Variants in CSMD2 observed in about 807,000 individuals in gnomAD.
The protein encoded by CSMD2 is CUB and sushi domain-containing protein 2.
Under a neutral mutation model 398.5 loss-of-function variants are expected in CSMD2, and 130 were observed. The observed-to-expected ratio is 0.33, with a 90% confidence interval of 0.28 to 0.38. The LOEUF is 0.38. CSMD2 is among the 10% of genes least tolerant of loss of function. The pLI, the probability that CSMD2 is intolerant of heterozygous loss-of-function variation, is 1.00. For synonymous variants in CSMD2, 1,828 were observed against 1,908.5 expected, an observed-to-expected ratio of 0.96 and a Z score of 1.10; for missense variants, 3,829 against 4,764.9, an observed-to-expected ratio of 0.80 and a Z score of 5.78.
At position 33,518,293 on chromosome 1, in the gene CSMD2, G is replaced by A. The variant is rs111259843; in HGVS notation, c.*53+1172C>T. Among the ~76,000 whole-genome samples the A allele has an allele frequency of 4.4e-4, 67 of 152,334 alleles. 2 individuals carry two copies. The East Asian group carries it at 0.011, about 26-fold the overall frequency. The stretch of plus-strand genomic sequence containing the variant: ...AGGTCCCAGAGGTGAGGGTGTCATC[G>A]AAGGAGGACACAGTGAGGAAGAGGC... On this transcript the variant is annotated intron_variant, in intron 70 of 70. Coordinates refer to ENST00000373381, the MANE Select transcript of CSMD2 (RefSeq NM_001281956.2). The surrounding 1 kb of genome is among the most constrained non-coding windows in gnomAD (Gnocchi z 4.3).
At chr1:33,864,078 C>A in intron 5 of CSMD2, 1 of 1,000,334 alleles carries the variant, frequency 1.0e-6, no homozygotes, top group Non-Finnish European at 1.5e-6. Context: ...ACAGCTCTTG[C>A]AGACAGAAAA....
Position 34,116,742 on chromosome 1 carries a change from C to A in CSMD2, c.188-27549G>T, listed in dbSNP as rs557551985. On this transcript the variant is annotated intron_variant, in intron 1 of 70. Transcript: ENST00000373381. ...TCTTCAAGACAGATCACATGCTAGG[C>A]CATAAAATAAGTCTTAACAAATTCA... Among the ~76,000 whole-genome samples the A allele has an allele frequency of 2.0e-5, 3 of 152,004 alleles. No individual in the cohort carries two copies. The East Asian group carries it at 5.8e-4, about 29-fold the overall frequency.
intron 3 of CSMD2, among the ~76,000 whole-genome samples, chr1:33,956,774 C>T (rs2125384655): frequency 6.6e-6 from 1 of 152,220 alleles, no homozygotes; most frequent in South Asian, 2.1e-4. Context: ...CTCCCTGATT[C>T]CACTCTTGCC....
intron 2 of CSMD2, among the ~76,000 whole-genome samples, chr1:34,083,707 A>G (rs1412171991): frequency 6.6e-6 from 1 of 152,204 alleles, no homozygotes; most frequent in African/African-American, 2.4e-5. Flanking sequence ...ACTTAAGCTC[A>G]GGAGTTTGAG....
At chr1:33,929,432 C>CTTTGTT (rs1644239692) in intron 4 of CSMD2, among the ~76,000 whole-genome samples, 1 of 100,648 alleles carries the variant, frequency 9.9e-6, no homozygotes, top group Non-Finnish European at 1.9e-5. Context: ...CAAGCCTATA[C>CTTTGTT]TTTTTTTTTT....
At chr1:33,637,026 A>G (rs1191322481) in intron 29 of CSMD2, among the ~76,000 whole-genome samples, 2 of 152,130 alleles carry the variant, frequency 1.3e-5, no homozygotes, top group African/African-American at 2.4e-5. Context: ...TTTTGTGTTC[A>G]CCTGAGAAGC....
intron 21 of CSMD2, among the ~76,000 whole-genome samples, chr1:33,711,736 C>T (rs372446841): frequency 6.6e-6 from 1 of 152,184 alleles, no homozygotes; most frequent in East Asian, 1.9e-4. Context: ...TTTTGGACCT[C>T]CTTCCTGGCC....
At chr1:33,845,053 A>T (rs1366579402) in intron 6 of CSMD2, among the ~76,000 whole-genome samples, 2 of 152,214 alleles carry the variant, frequency 1.3e-5, no homozygotes, top group Non-Finnish European at 2.9e-5. Context: ...TTTTCCTTTT[A>T]GCTCTACAGA....
At chr1:33,646,542 G>C (rs1643438195) in intron 29 of CSMD2, 106 bp downstream of exon 29, 1 of 1,233,764 alleles carries the variant, frequency 8.1e-7, no homozygotes, top group African/African-American at 1.5e-5. Context: ...GTTGGTGTGG[G>C]CTTGCTGTGG....
intron 3 of CSMD2, among the ~76,000 whole-genome samples, chr1:34,009,371 G>A (rs576983472): frequency 6.6e-6 from 1 of 151,966 alleles, no homozygotes; most frequent in African/African-American, 2.4e-5. Flanking sequence ...AGGTGGAAGG[G>A]CCTTCCACAG....
intron 13 of CSMD2, among the ~76,000 whole-genome samples, chr1:33,749,294 T>G (rs1400317244): frequency 2.0e-5 from 3 of 151,872 alleles, no homozygotes; most frequent in Non-Finnish European, 4.4e-5. Context: ...AGAGACAGGG[T>G]TTCGCCGTGT....
chr1:33,948,591 T>TA (rs1313110917), intron 3 of CSMD2, among the ~76,000 whole-genome samples: 1 of 152,238 alleles, frequency 6.6e-6, no homozygotes, highest in African/African-American at 2.4e-5. Context: ...CACATTTGAA[T>TA]AAACCACTCA....
At chr1:33,898,272 G>A (rs984632647) in intron 5 of CSMD2, among the ~76,000 whole-genome samples, 3 of 152,176 alleles carry the variant, frequency 2.0e-5, no homozygotes, top group Admixed American at 2.0e-4. Flanking sequence ...GCCAGACTCC[G>A]AAGAGATAAA....
At chr1:33,942,493 C>A (rs189619451) in intron 3 of CSMD2, among the ~76,000 whole-genome samples, 2 of 152,376 alleles carry the variant, frequency 1.3e-5, no homozygotes, top group East Asian at 1.9e-4. Flanking sequence ...AGTCAGAGGG[C>A]CCCGCCCTGC....
At chr1:33,859,173 T>C (rs1639310219) in intron 5 of CSMD2, among the ~76,000 whole-genome samples, 3 of 152,162 alleles carry the variant, frequency 2.0e-5, no homozygotes, top group South Asian at 4.1e-4. Context: ...CACAAATTTA[T>C]TGTGTTATAA....
At chr1:33,591,196 C>T (rs538792016) in intron 44 of CSMD2, among the ~76,000 whole-genome samples, 16 of 152,182 alleles carry the variant, frequency 1.1e-4, no homozygotes, top group South Asian at 1.0e-3. Flanking sequence ...CCATGTTGGT[C>T]AGGCTGGTCT....
At position 33,832,707 on chromosome 1, in the gene CSMD2, C is replaced by A. The variant is rs1210569432; in HGVS notation, c.1034-6933G>T. On this transcript the variant is annotated intron_variant, in intron 6 of 70. Coordinates refer to ENST00000373381, the MANE Select transcript of CSMD2 (RefSeq NM_001281956.2). ...AAACCCTTCAAAAAATTAATGAATC[C>A]AGGAGCTGGTTTTTTGAAAGGATCA... Among the ~76,000 whole-genome samples, 7 of 150,826 alleles carry A rather than the reference C, an allele frequency of 4.6e-5. No homozygotes were observed. The South Asian group carries it at 1.5e-3, about 32-fold the overall frequency.
Position 33,636,506 on chromosome 1 carries a change from G to A in CSMD2, c.4823C>T (p.Thr1608Ile). The A allele has an allele frequency of 1.2e-6, 2 of 1,614,152 alleles. No individual in the cohort carries two copies. The highest frequency in any genetic ancestry group is 1.7e-6 in the Non-Finnish European group (2 of 1,180,020). Residue 1608 changes from threonine to isoleucine, a missense_variant, in exon 30 of 71, where the codon ACA (threonine) becomes ATA (isoleucine). Physicochemically the swap from Thr to Ile is moderately conservative, Grantham distance 89 (BLOSUM62 -1). This residue lies in a region of CSMD2 where 2,001 missense variants were observed against 2,567.1 expected (regional missense o/e 0.78). Transcript: ENST00000373381. The surrounding 1 kb of genome is among the most constrained non-coding windows in gnomAD (Gnocchi z 4.8). Reference protein sequence around the residue: ...CFDPGSIKNGTRVGSDLKLGS... With the variant: ...CFDPGSIKNGIRVGSDLKLGS... ...CAGCTTCAGGTCGGACCCCACCCGT[G>A]TGCCGTTCTTGATGGAACCAGGATC...
At chr1:33,545,403 A>G (rs185333733) in intron 57 of CSMD2, among the ~76,000 whole-genome samples, 1 of 152,306 alleles carries the variant, frequency 6.6e-6, no homozygotes, top group East Asian at 1.9e-4. Flanking sequence ...TTGGATTTGT[A>G]TATCTTTTGG....
Sources: allele counts gnomAD v4.1 joint callset (sites outside exome capture counted in the v4.1 genomes callset), GRCh38; gene constraint gnomAD v4.1.1; regional missense constraint gnomAD v4.1.1; non-coding constraint Gnocchi (gnomAD v3.1); transcripts MANE v1.5; gene names NCBI Gene and HGNC (gene_info 2026-07-23, HGNC 2026-07-21).